The following DGKB variants were observed in gnomAD, a reference collection of about 807,000 sequenced individuals.
DGKB encodes the protein 90 kDa diacylglycerol kinase.
A neutral mutation model predicts 114.3 loss-of-function variants in DGKB; 67 were observed. The ratio of observed to expected loss-of-function variants is 0.59; its 90% CI spans 0.48 to 0.72. The LOEUF is 0.72. DGKB is among the 30% of genes least tolerant of loss of function. The probability of loss-of-function intolerance (pLI) is 0.00; values close to 1 mark genes in which losing one functional copy is unlikely to be tolerated. For synonymous variants in DGKB, 398 were observed against 323.1 expected, an observed-to-expected ratio of 1.23 and a Z score of -2.49; for missense variants, 907 against 975.2, an observed-to-expected ratio of 0.93 and a Z score of 0.93.
Position 14,362,660 on chromosome 7 carries a change from T to C in DGKB, c.1836-17269A>G, listed in dbSNP as rs1712297266. On this transcript the variant is annotated intron_variant, in intron 21 of 25. Transcript: ENST00000402815. ...ATATACAATAAAAACCCAAAAAAAATGCAACAAAACATGGAACAGTTAATC... is the reference window on the plus strand; with the variant it reads ...ATATACAATAAAAACCCAAAAAAAACGCAACAAAACATGGAACAGTTAATC... Among the ~76,000 whole-genome samples, 6 of 151,774 alleles carry C rather than the reference T, an allele frequency of 4.0e-5. No homozygotes were observed. In the South Asian group the frequency reaches 1.0e-3, roughly 26 times the overall value.
Position 14,966,510 on chromosome 7 carries a change from A to T in DGKB, c.-188+8186T>A, listed in dbSNP as rs147827273. Among the ~76,000 whole-genome samples, 427 of 152,050 alleles carry T rather than the reference A, an allele frequency of 2.8e-3. 1 individual carries two copies. Among genetic ancestry groups the T allele is most frequent in the African/African-American group, 0.01 (418 of 41,480 alleles). On this transcript the variant is annotated intron_variant, in intron 1 of 4. Transcript: ENST00000437998. ...GAGACAGGGTCTCACCATGTCGCCC[A>T]GGCTGCTGGTCTCGAACTCCTGGCC... is the stretch of plus-strand genomic sequence containing the variant.
At chr7:14,461,218 A>G (rs1033529194) in intron 21 of DGKB, among the ~76,000 whole-genome samples, 7 of 152,182 alleles carry the variant, frequency 4.6e-5, no homozygotes, top group African/African-American at 1.4e-4. Context: ...AACACATTCA[A>G]AAGCTAGCAG....
intron 23 of DGKB, among the ~76,000 whole-genome samples, chr7:14,245,345 A>G (rs1005301991): frequency 6.6e-6 from 1 of 152,206 alleles, no homozygotes; most frequent in Non-Finnish European, 1.5e-5. Flanking sequence ...AATGTAATTG[A>G]TTAAACAAAA....
At position 14,673,027 on chromosome 7, in the gene DGKB, G is replaced by T. The variant is rs1442811168; in HGVS notation, c.1036C>A (p.Leu346Met). The T allele has an allele frequency of 1.9e-6, 3 of 1,555,650 alleles. No individual in the cohort carries two copies. The highest frequency in any genetic ancestry group is 1.4e-5 in the African/African-American group (1 of 73,554). ...AGATGAGAAGCACATTTATTATGCA[G>T]CTAGAAAAACAGAAAGGGGGATAGT... ...GLHCVWCQITLHNKCASHLKP... is the reference protein window; with the variant it reads ...GLHCVWCQITMHNKCASHLKP... The change falls in exon 13 of 26, where the codon CTG becomes ATG. Residue 346 changes from leucine (L) to methionine (M), a missense_variant and splice_region_variant. Around this residue, in one of 3 missense-constraint regions of DGKB, gnomAD observed 814 missense variants for 856.6 expected, o/e 0.95. Transcript: ENST00000402815.
At chr7:14,628,753 C>A (rs1809115204) in intron 14 of DGKB, among the ~76,000 whole-genome samples, 1 of 152,010 alleles carries the variant, frequency 6.6e-6, no homozygotes, top group Admixed American at 6.6e-5. Context: ...CACACTCAGC[C>A]ATGCATATAT....
At chr7:14,595,166 A>C (rs2128751765) in intron 17 of DGKB, among the ~76,000 whole-genome samples, 1 of 152,200 alleles carries the variant, frequency 6.6e-6, no homozygotes, top group Admixed American at 6.5e-5. Context: ...GGGGGACAGA[A>C]GTGAGGAGAA....
At chr7:14,639,079 C>A (rs1181635335) in intron 13 of DGKB, among the ~76,000 whole-genome samples, 4 of 148,518 alleles carry the variant, frequency 2.7e-5, no homozygotes, top group East Asian at 2.1e-4. Flanking sequence ...TTAAAAAAAA[C>A]ACGAAGTGAG....
chr7:14,745,317 C>T (rs553140314), intron 4 of DGKB, among the ~76,000 whole-genome samples: 2 of 152,316 alleles, frequency 1.3e-5, no homozygotes, highest in East Asian at 3.9e-4. Flanking sequence ...AGAGTTATGA[C>T]TGCCATATTT....
At chr7:14,551,607 A>G (rs1350911192) in intron 20 of DGKB, among the ~76,000 whole-genome samples, 9 of 152,152 alleles carry the variant, frequency 5.9e-5, no homozygotes, top group Admixed American at 5.9e-4. Context: ...TTGTGGCTGA[A>G]TATCTGTTGA....
chr7:14,684,218 TGAGA>T (rs1172516780), intron 10 of DGKB, among the ~76,000 whole-genome samples: 1 of 152,108 alleles, frequency 6.6e-6, no homozygotes, highest in Non-Finnish European at 1.5e-5. Context: ...GTAACACAGC[TGAGA>T]GAAAGGAAAT....
At chr7:14,500,844 C>G (rs1013497680) in intron 20 of DGKB, among the ~76,000 whole-genome samples, 1 of 151,728 alleles carries the variant, frequency 6.6e-6, no homozygotes. Context: ...AAATATTTAG[C>G]AACATTCTTG....
intron 20 of DGKB, among the ~76,000 whole-genome samples, chr7:14,504,551 G>C (rs1786718540): frequency 6.6e-6 from 1 of 152,084 alleles, no homozygotes; most frequent in South Asian, 2.1e-4. Flanking sequence ...TCATTCATCT[G>C]CTTGAGATGC....
At chr7:14,652,428 G>T (rs1425028614) in intron 13 of DGKB, among the ~76,000 whole-genome samples, 1 of 151,702 alleles carries the variant, frequency 6.6e-6, no homozygotes, top group East Asian at 1.9e-4. Flanking sequence ...AAATGGTGCT[G>T]GGAAAACTGG....
chr7:14,769,125 G>GAAAGAA (rs879425687), intron 2 of DGKB, among the ~76,000 whole-genome samples: 77 of 83,804 alleles, frequency 9.2e-4, no homozygotes, highest in Non-Finnish European at 1.3e-3. Flanking sequence ...AAGAAAGAAA[G>GAAAGAA]AGAGAGAGAG....
intron 21 of DGKB, among the ~76,000 whole-genome samples, chr7:14,347,450 C>T (rs1297867756): frequency 6.6e-6 from 1 of 151,770 alleles, no homozygotes; most frequent in Non-Finnish European, 1.5e-5. Flanking sequence ...TATATATACC[C>T]CAAAGAAATG....
At chr7:14,652,822 C>T (rs540639308) in intron 13 of DGKB, among the ~76,000 whole-genome samples, 1 of 152,116 alleles carries the variant, frequency 6.6e-6, no homozygotes, top group Non-Finnish European at 1.5e-5. Context: ...AAACAAACAA[C>T]CCCATCAAAA....
intron 23 of DGKB, among the ~76,000 whole-genome samples, chr7:14,293,644 G>A (rs1802099725): frequency 6.6e-6 from 1 of 152,078 alleles, no homozygotes; most frequent in East Asian, 1.9e-4. Flanking sequence ...CTGTGTCTGT[G>A]CCTCATCTCT....
intron 17 of DGKB, among the ~76,000 whole-genome samples, chr7:14,591,627 A>G (rs879658474): frequency 2.9e-4 from 44 of 152,150 alleles, no homozygotes; most frequent in Non-Finnish European, 5.6e-4. Context: ...TCTAAGATCC[A>G]CTGCACAACA....
chr7:14,406,793 A>G (rs1414835380), intron 21 of DGKB, among the ~76,000 whole-genome samples: 3 of 152,100 alleles, frequency 2.0e-5, no homozygotes, highest in Non-Finnish European at 2.9e-5. Context: ...ATCTCATCTT[A>G]TGGAATTACT....
Sources: allele counts gnomAD v4.1 joint callset (sites outside exome capture counted in the v4.1 genomes callset), GRCh38; gene constraint gnomAD v4.1.1; regional missense constraint gnomAD v4.1.1; transcripts MANE v1.5; gene names NCBI Gene and HGNC (gene_info 2026-07-23, HGNC 2026-07-21).